Variants in CUX1 observed in about 807,000 individuals in gnomAD.
The protein encoded by CUX1 is cut like homeobox 1, also known as protein CASP.
In CUX1, 31 loss-of-function variants were observed where a neutral mutation model predicts 158.8. The ratio of observed to expected loss-of-function variants is 0.20; its 90% confidence interval spans 0.15 to 0.26. The LOEUF is 0.26. Among genes scored for constraint, CUX1 ranks in the 10% least tolerant of loss-of-function variants. The pLI is 1.00. For synonymous variants in CUX1, 879 were observed against 862.1 expected, an observed-to-expected ratio of 1.02 and a Z score of -0.34; for missense variants, 1,589 against 2,014.6, an observed-to-expected ratio of 0.79 and a Z score of 4.04.
chr7:102,177,072 C>G (rs982936892), intron 10 of CUX1, among the ~76,000 whole-genome samples: 1 of 151,502 alleles, frequency 6.6e-6, no homozygotes, highest in Non-Finnish European at 1.5e-5. Context: ...AGTTCTTCAA[C>G]AAAGGAACAC....
intron 4 of CUX1, among the ~76,000 whole-genome samples, chr7:102,087,784 T>C (rs60861806): frequency 0.056 from 8,464 of 152,246 alleles, 753 homozygotes; most frequent in African/African-American, 0.19. Flanking sequence ...CCATTAACTT[T>C]TAAAGAAATT....
At position 102,248,377 on chromosome 7, in the gene CUX1, C is replaced by G. The variant is rs781791785; in HGVS notation, c.3888-35C>G. 1.3e-6 allele frequency: 2 copies of G among 1,537,846 alleles called. No individual in the cohort carries two copies. The highest frequency in any genetic ancestry group is 8.7e-7 in the Non-Finnish European group (1 of 1,144,014). On this transcript the variant is annotated intron_variant, in intron 23 of 23. Coordinates refer to ENST00000292535, the MANE Select transcript of CUX1 (RefSeq NM_181552.4). This position sits in a 1 kb window ranked among gnomAD's most constrained non-coding sequence, Gnocchi z 5.8. ...ACCAGAGGCCCTTTCCCCAGCAGCA[C>G]CCCCCTCACGTCCCCGCCGCTTGTT...
At chr7:102,003,213 A>C (rs1403745687) in intron 2 of CUX1, among the ~76,000 whole-genome samples, 1 of 151,576 alleles carries the variant, frequency 6.6e-6, no homozygotes, top group Non-Finnish European at 1.5e-5. Flanking sequence ...GGGACTCTCT[A>C]GAGAGGCCCC....
intron 4 of CUX1, among the ~76,000 whole-genome samples, chr7:102,091,078 G>A (rs1347085167): frequency 2.0e-5 from 3 of 152,170 alleles, no homozygotes; most frequent in Non-Finnish European, 2.9e-5. Context: ...AAAAGGTGCT[G>A]TCTTTGCCCA....
intron 20 of CUX1, among the ~76,000 whole-genome samples, chr7:102,217,370 G>C (rs550261077): frequency 6.6e-6 from 1 of 152,268 alleles, no homozygotes; most frequent in East Asian, 1.9e-4. Context: ...TCCCCGGCAG[G>C]TCCCCTCCCC....
intron 4 of CUX1, among the ~76,000 whole-genome samples, chr7:102,097,073 A>G (rs1829275861): frequency 6.6e-6 from 1 of 152,252 alleles, no homozygotes; most frequent in South Asian, 2.1e-4. Context: ...TCAAAGAATG[A>G]AAATCATGAA....
At chr7:101,963,355 G>C (rs965852775) in intron 2 of CUX1, among the ~76,000 whole-genome samples, 12 of 152,190 alleles carry the variant, frequency 7.9e-5, no homozygotes, top group Non-Finnish European at 1.5e-4. Flanking sequence ...GCGCGACCAC[G>C]GTGGCCCAAA....
At chr7:101,996,642 TCTCCCTCC>T (rs368042482) in intron 2 of CUX1, among the ~76,000 whole-genome samples, 19 of 144,840 alleles carry the variant, frequency 1.3e-4, no homozygotes, top group Non-Finnish European at 2.0e-4. Context: ...CCCTCATTTC[TCTCCCTCC>T]CTCCCTCCCT....
chr7:102,168,908 C>CTTTTTTTTTTTTTTTTT (rs1563341626), intron 9 of CUX1, among the ~76,000 whole-genome samples: 3 of 121,984 alleles, frequency 2.5e-5, no homozygotes, highest in African/African-American at 1.0e-4. Context: ...CTTTTCTTTT[C>CTTTTTTTTTTTTTTTTT]TTTTATTTTC....
intron 4 of CUX1, among the ~76,000 whole-genome samples, chr7:102,076,298 T>C (rs2130676812): frequency 6.6e-6 from 1 of 152,052 alleles, no homozygotes; most frequent in South Asian, 2.1e-4. Context: ...GGCAGGACAG[T>C]CGGTTGAACC....
At chr7:102,013,114 T>C (rs1818214505) in intron 2 of CUX1, among the ~76,000 whole-genome samples, 1 of 150,888 alleles carries the variant, frequency 6.6e-6, no homozygotes, top group South Asian at 2.1e-4. Context: ...TCTGCCATTC[T>C]GCCGTCATAC....
intron 1 of CUX1, among the ~76,000 whole-genome samples, chr7:101,908,865 G>A (rs1803070602): frequency 6.6e-6 from 1 of 152,204 alleles, no homozygotes; most frequent in Non-Finnish European, 1.5e-5. Flanking sequence ...TCTTGATTAT[G>A]TCCAGAGAAA....
intron 2 of CUX1, among the ~76,000 whole-genome samples, chr7:101,952,952 A>G (rs986112493): frequency 2.0e-5 from 3 of 152,224 alleles, no homozygotes; most frequent in Non-Finnish European, 2.9e-5. Context: ...TGTTTACAAC[A>G]TGAAATAGAC....
rs1586205733 is a variant in CUX1 at position 102,205,111 on chromosome 7, T to C, written c.3074-3T>C. The C allele has an allele frequency of 6.2e-7, 1 of 1,603,686 alleles. No homozygotes were observed. Among genetic ancestry groups the C allele is most frequent in the South Asian group, 1.1e-5 (1 of 90,852 alleles). ...CTTTAATTATAACCTTTTTCTACTT[T>C]AGTCCTCCACTCCGTGACATCGCTC... On this transcript the variant is annotated splice_region_variant and splice_polypyrimidine_tract_variant and intron_variant, in intron 19 of 23. Coordinates refer to ENST00000292535, the MANE Select transcript of CUX1 (RefSeq NM_181552.4).
At chr7:102,099,124 G>A (rs539397356) in intron 5 of CUX1, among the ~76,000 whole-genome samples, 54 of 152,224 alleles carry the variant, frequency 3.5e-4, no homozygotes, top group Non-Finnish European at 6.0e-4. Flanking sequence ...TAAGACCTCC[G>A]AGCACACCTC....
At chr7:101,939,064 T>C (rs1430232405) in intron 2 of CUX1, among the ~76,000 whole-genome samples, 25 of 964 alleles carry the variant, frequency 0.026, no homozygotes, top group African/African-American at 0.09. Flanking sequence ...AATACATATA[T>C]ATATATATAT....
At chr7:102,128,546 A>G (rs1554496134) in intron 8 of CUX1, among the ~76,000 whole-genome samples, 1 of 150,404 alleles carries the variant, frequency 6.6e-6, no homozygotes, top group African/African-American at 2.4e-5. Context: ...GGCTGCATCC[A>G]GGGCACCGGG....
chr7:102,151,698 A>T (rs1406278771), intron 8 of CUX1, among the ~76,000 whole-genome samples: 2 of 131,968 alleles, frequency 1.5e-5, no homozygotes, highest in Admixed American at 8.6e-5. Context: ...ACTGCACTCC[A>T]GCCTGGGCGA....
At position 102,201,054 on chromosome 7, in the gene CUX1, A is replaced by AAAATT. The variant is rs1795379956; in HGVS notation, c.2063-306_2063-305insAAATT. On this transcript the variant is annotated intron_variant, in intron 17 of 23. Transcript: ENST00000292535. This position sits in a 1 kb window ranked among gnomAD's most constrained non-coding sequence, Gnocchi z 5.0. ...AAAAAAAAAAAAAAAAAAAAAAAAA[A>AAAATT]TTCTCGGGGAAAGGAGCCCCAGGAG... 6.8e-6 allele frequency among the ~76,000 whole-genome samples: 1 copy of AAAATT among 147,538 alleles called. No homozygotes were observed. The highest frequency in any genetic ancestry group is 1.5e-5 in the Non-Finnish European group (1 of 66,862).
Sources: gnomAD v4.1 joint callset for allele counts (sites outside exome capture counted in the v4.1 genomes callset) on GRCh38, gnomAD v4.1.1 for gene constraint, Gnocchi (gnomAD v3.1) non-coding constraint, MANE v1.5 for transcripts, NCBI Gene and HGNC (gene_info 2026-07-23, HGNC 2026-07-21) for gene names.